The following ROR1 variants were observed in gnomAD, a reference collection of about 807,000 sequenced individuals.
ROR1 encodes the protein ROR family WNT receptor 1.
A neutral mutation model predicts 78.8 loss-of-function variants in ROR1; 19 were observed. That is an observed-to-expected ratio of 0.24 (90% confidence interval 0.17 to 0.35). ROR1 has a LOEUF of 0.35. Among genes scored for constraint, ROR1 ranks in the 10% least tolerant of loss-of-function variants. The pLI, the probability that ROR1 is intolerant of heterozygous loss-of-function variation, is 1.00. For synonymous variants in ROR1, 386 were observed against 433.6 expected (o/e 0.89, Z 1.36); for missense variants, 917 against 1,177.8 (o/e 0.78, Z 3.24).
chr1:63,896,287 T>C (rs1371613557), intron 1 of ROR1, among the ~76,000 whole-genome samples: 1 of 152,174 alleles, frequency 6.6e-6, no homozygotes, highest in Non-Finnish European at 1.5e-5. Flanking sequence ...TTTTAAACAA[T>C]GGCTTTGGTG....
chr1:64,052,438 G>C (rs1366592056), intron 4 of ROR1, among the ~76,000 whole-genome samples: 1 of 152,124 alleles, frequency 6.6e-6, no homozygotes, highest in Non-Finnish European at 1.5e-5. Flanking sequence ...ATTTGCATTA[G>C]AGTTCTTTTT....
chr1:63,946,498 G>A (rs1466056021), intron 1 of ROR1, among the ~76,000 whole-genome samples: 4 of 152,140 alleles, frequency 2.6e-5, no homozygotes, highest in Non-Finnish European at 5.9e-5. Context: ...TGATATATAG[G>A]TACAGTGTGG....
chr1:64,107,537 G>GT (rs138088118), intron 4 of ROR1, among the ~76,000 whole-genome samples: 5,991 of 151,814 alleles, frequency 0.039, 163 homozygotes, highest in Non-Finnish European at 0.058. Context: ...TCACCTTTGT[G>GT]TTTTTTTCTT....
At chr1:63,840,960 A>G (rs919275655) in intron 1 of ROR1, among the ~76,000 whole-genome samples, 3 of 152,210 alleles carry the variant, frequency 2.0e-5, no homozygotes, top group African/African-American at 7.2e-5. Flanking sequence ...CTGTGTTTCT[A>G]GCGCTTTAGC....
intron 4 of ROR1, among the ~76,000 whole-genome samples, chr1:64,068,234 T>G (rs1557636306): frequency 1.3e-5 from 2 of 152,208 alleles, no homozygotes; most frequent in Non-Finnish European, 2.9e-5. Context: ...CATTCTTATA[T>G]CTGTCTAGCT....
At chr1:64,108,801 A>G (rs949878995) in intron 4 of ROR1, among the ~76,000 whole-genome samples, 21 of 152,228 alleles carry the variant, frequency 1.4e-4, no homozygotes, top group Admixed American at 1.3e-3. Context: ...GAGATACAGA[A>G]GAAAGTCATT....
At position 64,104,494 on chromosome 1, in the gene ROR1, T is replaced by A. The variant is rs897798453; in HGVS notation, c.483-32875T>A. 2.0e-4 allele frequency among the ~76,000 whole-genome samples: 31 copies of A among 152,088 alleles called. 1 individual carries two copies. Among genetic ancestry groups the A allele is most frequent in the Admixed American group, 7.2e-4 (11 of 15,256 alleles). On this transcript the variant is annotated intron_variant, in intron 4 of 8. Transcript: ENST00000371079. The stretch of plus-strand genomic sequence containing the variant: ...CATGGGTAATAAATTCTTTTTTTTT[T>A]TTATTTTACTTTAAGTTCCGGGATA...
chr1:63,817,438 T>A (rs1644899124), intron 1 of ROR1, among the ~76,000 whole-genome samples: 2 of 152,218 alleles, frequency 1.3e-5, no homozygotes, highest in Admixed American at 6.5e-5. Context: ...TTTTGGAAGA[T>A]TCAAGTTTGA....
At chr1:63,997,003 C>T (rs1027195436) in intron 1 of ROR1, among the ~76,000 whole-genome samples, 1 of 152,144 alleles carries the variant, frequency 6.6e-6, no homozygotes. Context: ...GTTCTGTGTA[C>T]GGACTTTCTT....
rs551120089 is a variant in ROR1, at chr1:64,150,057, G to A, written c.1174+7407G>A. Among the ~76,000 whole-genome samples, 13 of 152,072 alleles carry A rather than the reference G, an allele frequency of 8.5e-5. No homozygotes were observed. The East Asian group carries it at 1.3e-3, about 16-fold the overall frequency. On this transcript the variant is annotated intron_variant, in intron 7 of 8. Coordinates refer to ENST00000371079, the MANE Select transcript of ROR1 (RefSeq NM_005012.4). ...TGTATGGGAAGGCAGAATCTCAATC[G>A]TATTGGTATTTTTATATTTAAACCA...
At chr1:64,000,893 A>G (rs1372593333) in intron 1 of ROR1, among the ~76,000 whole-genome samples, 3 of 152,204 alleles carry the variant, frequency 2.0e-5, no homozygotes, top group Non-Finnish European at 4.4e-5. Context: ...CTCTTATCAC[A>G]TATTTACTTT....
intron 1 of ROR1, among the ~76,000 whole-genome samples, chr1:63,915,114 C>T (rs1645599217): frequency 6.6e-6 from 1 of 152,176 alleles, no homozygotes; most frequent in Non-Finnish European, 1.5e-5. Context: ...TTTAAACATA[C>T]AAAAACTGAG....
chr1:63,860,989 C>G (rs1365420074), intron 1 of ROR1, among the ~76,000 whole-genome samples: 1 of 152,134 alleles, frequency 6.6e-6, no homozygotes, highest in Non-Finnish European at 1.5e-5. Context: ...ACATCCTTCC[C>G]TTCTCTTGAC....
At chr1:63,901,195 G>A (rs1419541932) in intron 1 of ROR1, among the ~76,000 whole-genome samples, 2 of 152,090 alleles carry the variant, frequency 1.3e-5, no homozygotes, top group Admixed American at 1.3e-4. Flanking sequence ...ATGAGAACAG[G>A]GTCTTCCTGG....
At chr1:64,174,025 C>T (rs952837490) in intron 8 of ROR1, among the ~76,000 whole-genome samples, 3 of 151,934 alleles carry the variant, frequency 2.0e-5, no homozygotes, top group African/African-American at 7.3e-5. Flanking sequence ...GAAAGATTAA[C>T]AGGAAGAAAG....
intron 1 of ROR1, among the ~76,000 whole-genome samples, chr1:63,814,174 A>C (rs1644876040): frequency 6.6e-6 from 1 of 152,176 alleles, no homozygotes; most frequent in Non-Finnish European, 1.5e-5. Context: ...CCGTGGAAGA[A>C]GTTGGCCTGG....
At chr1:64,147,057 A>G (rs72916971) in intron 7 of ROR1, among the ~76,000 whole-genome samples, 3,429 of 152,328 alleles carry the variant, frequency 0.023, 149 homozygotes, top group African/African-American at 0.079. Flanking sequence ...ATTTTTCTGA[A>G]ATAAATACAA....
intron 1 of ROR1, among the ~76,000 whole-genome samples, chr1:63,921,354 G>T (rs1451560226): frequency 6.6e-6 from 1 of 152,134 alleles, no homozygotes; most frequent in Non-Finnish European, 1.5e-5. Flanking sequence ...TGGGGGTGGC[G>T]ACGCTGCACA....
intron 4 of ROR1, among the ~76,000 whole-genome samples, chr1:64,121,385 G>C (rs1016033475): frequency 2.0e-5 from 3 of 152,046 alleles, no homozygotes; most frequent in Non-Finnish European, 4.4e-5. Flanking sequence ...CCAGCTGGTG[G>C]TCAGTTAATG....
Sources: allele counts gnomAD v4.1 joint callset (sites outside exome capture counted in the v4.1 genomes callset), GRCh38; gene constraint gnomAD v4.1.1; transcripts MANE v1.5; gene names NCBI Gene and HGNC (gene_info 2026-07-23, HGNC 2026-07-21).